Variants in NOMO2 observed in about 807,000 individuals in gnomAD.
NOMO2 encodes the protein BOS complex subunit NOMO2.
Under a neutral mutation model 67.1 loss-of-function variants are expected in NOMO2, and 14 were observed. That is an observed-to-expected ratio of 0.21 (90% CI 0.14 to 0.33). The LOEUF is 0.33. Among genes scored for constraint, NOMO2 ranks in the 10% least tolerant of loss-of-function variants. The pLI is 1.00. For synonymous variants in NOMO2, 80 were observed against 305.9 expected (o/e 0.26, Z 7.71); for missense variants, 178 against 761.0 (o/e 0.23, Z 9.01).
At chr16:18,540,206 ATTTTTTTT>A (rs913485991) in intron 9 of NOMO2, among the ~76,000 whole-genome samples, 6 of 146,992 alleles carry the variant, frequency 4.1e-5, no homozygotes, top group Admixed American at 3.4e-4. Context: ...TTATTTTTTT[ATTTTTTTT>A]TTCAGCAAAT....
At chr16:18,556,864 AC>A (rs2141758544) in intron 2 of NOMO2, among the ~76,000 whole-genome samples, 1 of 152,056 alleles carries the variant, frequency 6.6e-6, no homozygotes, top group South Asian at 2.1e-4. Context: ...ATCGGCTCAC[AC>A]CTGTAATCCC....
At chr16:18,557,906 C>G in intron 1 of NOMO2, 115 bp from the exon 2 acceptor site, 1 of 1,581,580 alleles carries the variant, frequency 6.3e-7, no homozygotes, top group Non-Finnish European at 8.6e-7. Context: ...TACTATATAC[C>G]AGCTTTTAAC....
intron 11 of NOMO2, among the ~76,000 whole-genome samples, chr16:18,536,109 C>T (rs1336207295): frequency 6.6e-6 from 1 of 152,082 alleles, no homozygotes; most frequent in African/African-American, 2.4e-5. Context: ...CAACAGACAA[C>T]TCCTAACGGG....
chr16:18,540,119 G>A (rs1287683849), intron 9 of NOMO2, among the ~76,000 whole-genome samples: 4 of 151,042 alleles, frequency 2.6e-5, no homozygotes, highest in South Asian at 2.1e-4. Flanking sequence ...ATGTGTGCAC[G>A]CACGTGTGCA....
chr16:18,539,630 G>T (rs377147824), intron 9 of NOMO2, among the ~76,000 whole-genome samples: 1 of 151,862 alleles, frequency 6.6e-6, no homozygotes, highest in Non-Finnish European at 1.5e-5. Context: ...GGTGGCAGGC[G>T]CCTGTAATCC....
intron 16 of NOMO2, among the ~76,000 whole-genome samples, chr16:18,526,061 C>G (rs1437491843): frequency 6.6e-6 from 1 of 151,766 alleles, no homozygotes; most frequent in African/African-American, 2.4e-5. Flanking sequence ...GAACTGACAC[C>G]CAGAAGGACA....
At chr16:18,547,552 CT>C (rs1262762878) in intron 5 of NOMO2, among the ~76,000 whole-genome samples, 2 of 152,156 alleles carry the variant, frequency 1.3e-5, no homozygotes, top group African/African-American at 4.8e-5. Context: ...TTACGTCTCC[CT>C]TAATCTCAAG....
Position 18,533,124 on chromosome 16 carries a change from T to C in NOMO2, c.1276A>G (p.Met426Val), listed in dbSNP as rs137942106. 2.5e-6 allele frequency: 4 copies of C among 1,611,316 alleles called. No individual in the cohort carries two copies. The highest frequency in any genetic ancestry group is 2.7e-5 in the African/African-American group (2 of 74,748). ...GACAGGACAACTTTGTATTTATTCA[T>C]CTGCTTGACGGTGTCCGGGAAGCGA... ...IIRFPDTVKQ[M>V]NKYKVVLSSQ... The change falls in exon 12 of 31, where the codon ATG becomes GTG. Residue 426 changes from methionine (M) to valine (V), a missense_variant. Transcript: ENST00000622306.
At chr16:18,548,647 AATG>A (rs1318320361) in intron 5 of NOMO2, among the ~76,000 whole-genome samples, 1 of 152,144 alleles carries the variant, frequency 6.6e-6, no homozygotes, top group African/African-American at 2.4e-5. Context: ...TTGATATAAT[AATG>A]ATAATGATTT....
chr16:18,539,261 T>C (rs1228354398), intron 9 of NOMO2, among the ~76,000 whole-genome samples: 1,232 of 148,722 alleles, frequency 8.3e-3, no homozygotes, highest in African/African-American at 0.029. Context: ...CCCCCACCCT[T>C]ACCCCTGTGC....
At chr16:18,550,419 GC>G (rs1162872053) in intron 4 of NOMO2, among the ~76,000 whole-genome samples, 5 of 150,670 alleles carry the variant, frequency 3.3e-5, no homozygotes, top group Admixed American at 3.3e-4. Context: ...CCATTATTTT[GC>G]AAACCATCGA....
intron 11 of NOMO2, chr16:18,533,535 C>T (rs945522040): frequency 1.8e-4 from 36 of 197,974 alleles, no homozygotes; most frequent in Non-Finnish European, 3.3e-4. Flanking sequence ...GACAGCGGAG[C>T]GGCCTTGGAC....
intron 3 of NOMO2, among the ~76,000 whole-genome samples, chr16:18,553,392 T>C (rs1295910695): frequency 6.6e-6 from 1 of 151,838 alleles, no homozygotes; most frequent in African/African-American, 2.4e-5. Context: ...ATAAAGTTCA[T>C]AATGTTGAGT....
intron 14 of NOMO2, 112 bp from the exon 15 acceptor site, chr16:18,529,749 TG>T: frequency 1.4e-6 from 1 of 721,002 alleles, no homozygotes; most frequent in Non-Finnish European, 2.3e-6. Flanking sequence ...CAGGTGTGTA[TG>T]TAGACATAAA....
rs1361312861 is a variant in NOMO2, at chr16:18,533,084, T to C, written c.1316A>G (p.Asp439Gly). Residue 439 changes from aspartate to glycine, a missense_variant, in exon 12 of 31, where the codon GAC becomes GGC. Transcript: ENST00000622306. ...YKVVLSSQDK[D>G]KSLVTVETDA... ...TGTCTCCACGGTGACCAAAGACTTG[T>C]CCTTGTCTTGAGATGACAGGACAAC... is the stretch of plus-strand genomic sequence containing the variant. 6.2e-7 allele frequency: 1 copy of C among 1,610,564 alleles called. No individual in the cohort carries two copies. Among genetic ancestry groups the C allele is most frequent in the African/African-American group, 1.3e-5 (1 of 74,638 alleles).
intron 11 of NOMO2, among the ~76,000 whole-genome samples, chr16:18,534,246 T>TG (rs1232485952): frequency 6.6e-6 from 1 of 151,692 alleles, no homozygotes; most frequent in African/African-American, 2.4e-5. Flanking sequence ...ATCTCCAGCA[T>TG]GGGTCAGCAA....
chr16:18,536,616 G>A (rs1901429667), intron 11 of NOMO2, among the ~76,000 whole-genome samples: 1 of 152,052 alleles, frequency 6.6e-6, no homozygotes, highest in South Asian at 2.1e-4. Context: ...CTCCCAAAGT[G>A]CTGGGATGGA....
At chr16:18,526,341 T>G (rs1167455234) in intron 16 of NOMO2, among the ~76,000 whole-genome samples, 3 of 152,240 alleles carry the variant, frequency 2.0e-5, no homozygotes, top group African/African-American at 7.2e-5. Context: ...ACACAGCCTC[T>G]GTGGAAAACA....
At chr16:18,529,322 T>G in intron 15 of NOMO2, 179 bp downstream of exon 15, 1 of 823,676 alleles carries the variant, frequency 1.2e-6, no homozygotes, top group Non-Finnish European at 2.0e-6. Flanking sequence ...ACAGGGGTCC[T>G]TCCACTGAGA....
Sources: allele counts gnomAD v4.1 joint callset (sites outside exome capture counted in the v4.1 genomes callset), GRCh38; gene constraint gnomAD v4.1.1; transcripts MANE v1.5; gene names NCBI Gene and HGNC (gene_info 2026-07-23, HGNC 2026-07-21).